Variants in NUP155 observed in about 807,000 individuals in gnomAD.
The protein encoded by NUP155 is nuclear pore complex protein Nup155.
In NUP155, 71 loss-of-function variants were observed where a neutral mutation model predicts 180.4. The ratio of observed to expected loss-of-function variants is 0.39; its 90% CI spans 0.33 to 0.48. The LOEUF is 0.48. NUP155 is among the 20% of genes least tolerant of loss of function. NUP155 has a pLI of 0.91. For synonymous variants in NUP155, 582 were observed against 559.5 expected, an observed-to-expected ratio of 1.04 and a Z score of -0.57; for missense variants, 1,553 against 1,648.9, an observed-to-expected ratio of 0.94 and a Z score of 1.01.
chr5:37,288,187 GAA>G lies in NUP155; in HGVS notation c.*3711_*3712del, dbSNP rs1411830558. 1 of 152,110 alleles carries G rather than the reference GAA, an allele frequency of 6.6e-6. No homozygotes were observed. Among genetic ancestry groups the G allele is most frequent in the African/African-American group, 2.4e-5 (1 of 41,434 alleles). 9.4% of individuals were successfully genotyped at this position (152,110 alleles called of 1,614,324 possible). ...GAGAATTTAAAAGAAGACATTAATA[GAA>G]AATGAAAAGAAATTGTGAACCCTTT... is the stretch of plus-strand genomic sequence containing the variant. On this transcript the variant is annotated 3_prime_UTR_variant, in exon 35 of 35. Coordinates refer to ENST00000231498, the MANE Select transcript of NUP155 (RefSeq NM_153485.3).
rs778783619 is a variant in NUP155, at chr5:37,329,240, A to G, written c.1763T>C (p.Leu588Pro). The change falls in exon 16 of 35, where the codon CTT becomes CCT. Residue 588 changes from leucine (L) to proline (P), a missense_variant. By Grantham distance (98) the Leu-to-Pro change is moderately conservative. Coordinates refer to ENST00000231498, the MANE Select transcript of NUP155 (RefSeq NM_153485.3). ...GEAQMRFPTT[L>P]PPPSNVGPIL... is the part of the protein sequence containing the mutation. ...GGGACCAACATTACTTGGAGGCGGAAGAGTGGTTGGAAATCTCATCTGTGC... is the reference window on the plus strand; with the variant it reads ...GGGACCAACATTACTTGGAGGCGGAGGAGTGGTTGGAAATCTCATCTGTGC... 2.5e-6 allele frequency: 4 copies of G among 1,613,878 alleles called. No individual in the cohort carries two copies. The highest frequency in any genetic ancestry group is 1.1e-5 in the South Asian group (1 of 91,082).
intron 11 of NUP155, among the ~76,000 whole-genome samples, chr5:37,339,476 A>G (rs1745571203): frequency 6.6e-6 from 1 of 152,024 alleles, no homozygotes; most frequent in Non-Finnish European, 1.5e-5. Context: ...AAAAATACAA[A>G]AATTAGCCAG....
Position 37,358,140 on chromosome 5 carries a change from G to A in NUP155, c.404C>T (p.Ala135Val), listed in dbSNP as rs779419034. 6.2e-7 allele frequency: 1 copy of A among 1,612,000 alleles called. No homozygotes were observed. Among genetic ancestry groups the A allele is most frequent in the East Asian group, 2.2e-5 (1 of 44,854 alleles). The stretch of plus-strand genomic sequence containing the variant: ...AGTCTCACTAAGTCCATCAAAATAG[G>A]CAAGGTCTCCTCTGTGAATAAATGA... The part of the protein sequence containing the change: ...MWNYEDGGDL[A>V]YFDGLSETIL... Residue 135 changes from alanine to valine, a missense_variant, in exon 4 of 35, where the codon GCC (alanine) becomes GTC (valine). Ala to Val is a moderately conservative substitution (Grantham distance 64). Transcript: ENST00000231498.
intron 9 of NUP155, among the ~76,000 whole-genome samples, chr5:37,343,311 T>C (rs1278113170): frequency 6.6e-6 from 1 of 152,056 alleles, no homozygotes; most frequent in Non-Finnish European, 1.5e-5. Context: ...CCTGACCTCA[T>C]GATCCGCCTG....
At chr5:37,333,919 A>G (rs1745144684) in intron 12 of NUP155, among the ~76,000 whole-genome samples, 1 of 151,592 alleles carries the variant, frequency 6.6e-6, no homozygotes, top group Non-Finnish European at 1.5e-5. Context: ...CTCCTGCCTC[A>G]GCCTCCCTAG....
In NUP155 at chr5:37,309,162, C is replaced by G. The variant is rs1421762193; in HGVS notation, c.2734G>C (p.Asp912His). The change falls in exon 24 of 35, where the codon GAC becomes CAC. Residue 912 changes from aspartate (D) to histidine (H), a missense_variant. Asp to His is a moderately conservative substitution (Grantham distance 81). Transcript: ENST00000231498. Reference protein sequence around the residue: ...KEYQKISNQVDLSNVCAQYRQ... With the variant: ...KEYQKISNQVHLSNVCAQYRQ... ...TACTGAGCACAAACATTGGAAAGGT[C>G]CACTTGATTGCTAATTTTTTGATAT... 6.2e-7 allele frequency: 1 copy of G among 1,613,462 alleles called. No individual in the cohort carries two copies. The highest frequency in any genetic ancestry group is 1.3e-5 in the African/African-American group (1 of 74,912).
At chr5:37,353,005 T>G (rs1746567993) in intron 4 of NUP155, among the ~76,000 whole-genome samples, 176 bp from the exon 5 acceptor site, 1 of 152,068 alleles carries the variant, frequency 6.6e-6, no homozygotes, top group African/African-American at 2.4e-5. Context: ...AATAAGTAAA[T>G]TTTGAATGTC....
At chr5:37,340,541 T>A (rs187927149) in intron 11 of NUP155, among the ~76,000 whole-genome samples, 53 of 152,218 alleles carry the variant, frequency 3.5e-4, no homozygotes, top group African/African-American at 1.3e-3. Context: ...GACATAAGGA[T>A]GGATAATATA....
At chr5:37,329,905 T>G (rs1014214671) in intron 15 of NUP155, 133 bp downstream of exon 15, 4 of 682,892 alleles carry the variant, frequency 5.9e-6, no homozygotes, top group Admixed American at 2.3e-5. Flanking sequence ...TTCACCCTTT[T>G]GCAAATGAAT....
intron 10 of NUP155, chr5:37,342,257 G>A (rs1467131194): frequency 3.2e-6 from 1 of 310,866 alleles, no homozygotes; most frequent in East Asian, 7.5e-5. Context: ...ATGTTGCTCA[G>A]GTTAGTCTTG....
At chr5:37,308,235 G>A (rs1384004387) in intron 24 of NUP155, among the ~76,000 whole-genome samples, 2 of 152,072 alleles carry the variant, frequency 1.3e-5, no homozygotes, top group Non-Finnish European at 2.9e-5. Context: ...AACTGGACAA[G>A]AACTGAAACT....
intron 14 of NUP155, 137 bp downstream of exon 14, chr5:37,331,548 T>C: frequency 2.2e-6 from 1 of 454,020 alleles, no homozygotes; most frequent in Non-Finnish European, 3.8e-6. Context: ...CACTCCTGCC[T>C]GGGCAACAAG....
In NUP155 at chr5:37,305,912, A is replaced by C. The variant is rs144619939; in HGVS notation, c.2904-702T>G. 1.6e-3 allele frequency among the ~76,000 whole-genome samples: 237 copies of C among 152,004 alleles called. 2 individuals are homozygous for C. The East Asian group carries it at 0.041, about 27-fold the overall frequency. On this transcript the variant is annotated intron_variant, in intron 25 of 34. Coordinates refer to ENST00000231498, the MANE Select transcript of NUP155 (RefSeq NM_153485.3). ...AAACCCCCCAAAAACAAAACAAAAC[A>C]AATAACAAAAAAGAAAGCCATTGAT...
intron 17 of NUP155, among the ~76,000 whole-genome samples, 173 bp downstream of exon 17, chr5:37,328,185 T>C (rs1266122086): frequency 6.6e-6 from 1 of 152,200 alleles, no homozygotes; most frequent in Non-Finnish European, 1.5e-5. Flanking sequence ...GAGTTCCTCC[T>C]AAATAAAGGC....
chr5:37,301,343 G>A (rs1742851428), intron 30 of NUP155, 94 bp downstream of exon 30: 1 of 759,904 alleles, frequency 1.3e-6, no homozygotes, highest in Non-Finnish European at 2.3e-6. Flanking sequence ...TGGAGATAAG[G>A]TAATTTTCCC....
chr5:37,335,731 C>T (rs564930481), intron 12 of NUP155, among the ~76,000 whole-genome samples: 1 of 152,164 alleles, frequency 6.6e-6, no homozygotes, highest in African/African-American at 2.4e-5. Flanking sequence ...AGGTGGATCC[C>T]TTAAGCTTAG....
Position 37,351,232 on chromosome 5 carries a change from G to A in NUP155, c.681C>T (p.Phe227=). 6.2e-7 allele frequency: 1 copy of A among 1,613,736 alleles called. No homozygotes were observed. Among genetic ancestry groups the A allele is most frequent in the Non-Finnish European group, 8.5e-7 (1 of 1,179,884 alleles). Residue 227 remains phenylalanine, a synonymous_variant, in exon 6 of 35, where the codon TTC becomes TTT. Coordinates refer to ENST00000231498, the MANE Select transcript of NUP155 (RefSeq NM_153485.3). The part of the protein sequence containing the change: ...TITSTDNGRI[F]LAGKDGCLYE... ...ATAAACAGCCATCCTTTCCAGCCAA[G>A]AAAATTCTGCCATTATCAGTGGAAG... is the stretch of plus-strand genomic sequence containing the variant.
rs7728924 is a variant in NUP155 at position 37,325,251 on chromosome 5, G to A, written c.2091+650C>T. 7.3e-3 allele frequency among the ~76,000 whole-genome samples: 1,112 copies of A among 152,192 alleles called. 18 individuals carry two copies. Among genetic ancestry groups the A allele is most frequent in the African/African-American group, 0.025 (1,047 of 41,520 alleles). On this transcript the variant is annotated intron_variant, in intron 19 of 34. Coordinates refer to ENST00000231498, the MANE Select transcript of NUP155 (RefSeq NM_153485.3). ...CCATGGAGTTTTCGTTCATATATAT[G>A]TCAAAGTATTACATAGTAAAATTTG...
At chr5:37,353,926 G>A (rs1746636525) in intron 4 of NUP155, among the ~76,000 whole-genome samples, 1 of 152,128 alleles carries the variant, frequency 6.6e-6, no homozygotes. Flanking sequence ...CTTAAAAACA[G>A]TTAAGATGGC....
Sources: allele counts gnomAD v4.1 joint callset (sites outside exome capture counted in the v4.1 genomes callset), GRCh38; gene constraint gnomAD v4.1.1; transcripts MANE v1.5; gene names NCBI Gene and HGNC (gene_info 2026-07-23, HGNC 2026-07-21).